Variants in RAPGEF6 observed in about 807,000 individuals in gnomAD.
The protein encoded by RAPGEF6 is PDZ domain containing guanine nucleotide exchange factor (GEF) 2.
A neutral mutation model predicts 171.4 loss-of-function variants in RAPGEF6; 56 were observed. That is an observed-to-expected ratio of 0.33 (90% CI 0.26 to 0.41). The LOEUF (loss-of-function observed/expected upper bound fraction) is 0.41, where lower values mean the gene tolerates loss of function less well. RAPGEF6 is among the 10% of genes least tolerant of loss of function. RAPGEF6 has a pLI of 1.00. For missense variants in RAPGEF6, 1,674 were observed against 1,921.4 expected, an observed-to-expected ratio of 0.87 and a Z score of 2.41; for synonymous variants, 692 against 650.1, an observed-to-expected ratio of 1.06 and a Z score of -0.98.
At chr5:131,632,220 T>C (rs917502886) in intron 1 of RAPGEF6, among the ~76,000 whole-genome samples, 2 of 152,042 alleles carry the variant, frequency 1.3e-5, no homozygotes, top group Non-Finnish European at 2.9e-5. Flanking sequence ...CATCTCTTAC[T>C]ACTCTCACAC....
At chr5:131,452,956 AC>A (rs1753206893) in intron 21 of RAPGEF6, 97 bp downstream of exon 21, 1 of 1,443,396 alleles carries the variant, frequency 6.9e-7, no homozygotes, top group Non-Finnish European at 9.2e-7. Context: ...TGTACAGCAC[AC>A]ATGGTAGAAT....
chr5:131,570,988 A>G (rs1365575884), intron 4 of RAPGEF6, among the ~76,000 whole-genome samples: 1 of 140,570 alleles, frequency 7.1e-6, no homozygotes, highest in African/African-American at 2.8e-5. Flanking sequence ...TCTGTCATCC[A>G]GGCTGGAATG....
intron 1 of RAPGEF6, among the ~76,000 whole-genome samples, chr5:131,616,252 C>T (rs866730811): frequency 6.6e-6 from 1 of 152,166 alleles, no homozygotes; most frequent in Non-Finnish European, 1.5e-5. Context: ...CAAGACAACT[C>T]TTGTATACCC....
At chr5:131,617,909 C>T (rs1765370213) in intron 1 of RAPGEF6, among the ~76,000 whole-genome samples, 1 of 152,132 alleles carries the variant, frequency 6.6e-6, no homozygotes, top group African/African-American at 2.4e-5. Context: ...TATTGATTTT[C>T]TCATTCATGG....
chr5:131,562,009 C>A lies in RAPGEF6; in HGVS notation c.320G>T (p.Cys107Phe). The A allele has an allele frequency of 6.3e-7, 1 of 1,590,986 alleles. No individual in the cohort carries two copies. Among genetic ancestry groups the A allele is most frequent in the Non-Finnish European group, 8.5e-7 (1 of 1,170,794 alleles). The change falls in exon 5 of 28, where the codon TGT becomes TTT. Residue 107 changes from cysteine (C) to phenylalanine (F), a missense_variant. By Grantham distance (205) the Cys-to-Phe change is radical. Coordinates refer to ENST00000509018, the MANE Select transcript of RAPGEF6 (RefSeq NM_016340.6). ...CATTTCTGAAGGCTCTAATACAAGA[C>A]AATCACATCCTCTTTTTCCTCCAAA... ...KQFGGKRGCD[C>F]LVLEPSEMIV...
At chr5:131,533,505 C>T (rs1759548494) in intron 6 of RAPGEF6, among the ~76,000 whole-genome samples, 1 of 151,960 alleles carries the variant, frequency 6.6e-6, no homozygotes, top group South Asian at 2.1e-4. Flanking sequence ...GGGGTTTCTG[C>T]TTGCAAAATT....
chr5:131,536,267 C>A (rs1258374014), intron 6 of RAPGEF6, among the ~76,000 whole-genome samples: 1 of 152,096 alleles, frequency 6.6e-6, no homozygotes, highest in East Asian at 1.9e-4. Flanking sequence ...AACATACAAG[C>A]CCTTTCAAAG....
In RAPGEF6 at chr5:131,433,542, G is replaced by C. The variant is rs1751838893; in HGVS notation, c.3862C>G (p.Leu1288Val). The C allele has an allele frequency of 6.2e-7, 1 of 1,613,430 alleles. No homozygotes were observed. Among genetic ancestry groups the C allele is most frequent in the African/African-American group, 1.3e-5 (1 of 74,894 alleles). ...NCSVDSMSAALQDERCSSQAL... is the reference protein window; with the variant it reads ...NCSVDSMSAAVQDERCSSQAL... ...TGAGAGGAACACCGTTCATCCTGTA[G>C]AGCTGCAGACATGGAGTCAACAGAA... The change falls in exon 25 of 28, where the codon CTA (leucine) becomes GTA (valine). Residue 1288 changes from leucine to valine, a missense_variant. By Grantham distance (32) the Leu-to-Val change is conservative. This residue lies in a region of RAPGEF6 where 552 missense variants were observed against 574.2 expected (regional missense o/e 0.96). Transcript: ENST00000509018.
At chr5:131,492,072 AAG>A (rs1460688977) in intron 14 of RAPGEF6, among the ~76,000 whole-genome samples, 1 of 152,136 alleles carries the variant, frequency 6.6e-6, no homozygotes, top group Non-Finnish European at 1.5e-5. Context: ...TCAAATTCCT[AAG>A]AGTGTCTTTT....
At chr5:131,571,858 C>T (rs1473424904) in intron 4 of RAPGEF6, among the ~76,000 whole-genome samples, 5 of 152,146 alleles carry the variant, frequency 3.3e-5, no homozygotes, top group Non-Finnish European at 5.9e-5. Flanking sequence ...CCGCCACCAC[C>T]GCCCCCAGCC....
intron 16 of RAPGEF6, among the ~76,000 whole-genome samples, chr5:131,477,039 A>G (rs1007000200): frequency 1.3e-4 from 19 of 151,912 alleles, no homozygotes; most frequent in African/African-American, 4.1e-4. Context: ...TTTTCTGCCT[A>G]TTTTTCCATT....
At chr5:131,606,029 CAAAAAAAAAA>C (rs1168486376) in intron 1 of RAPGEF6, among the ~76,000 whole-genome samples, 2 of 70,556 alleles carry the variant, frequency 2.8e-5, no homozygotes, top group Non-Finnish European at 2.3e-5. Flanking sequence ...GACTCCATCT[CAAAAAAAAAA>C]AAAAAAAAAA....
intron 6 of RAPGEF6, among the ~76,000 whole-genome samples, chr5:131,539,264 T>C (rs1447485195): frequency 1.3e-5 from 2 of 152,316 alleles, no homozygotes; most frequent in East Asian, 1.9e-4. Flanking sequence ...TGAAATACCA[T>C]ATTAAAAACA....
At chr5:131,552,522 G>A (rs374651790) in intron 5 of RAPGEF6, among the ~76,000 whole-genome samples, 2 of 150,252 alleles carry the variant, frequency 1.3e-5, no homozygotes, top group East Asian at 2.0e-4. Flanking sequence ...GTGCAATGGC[G>A]CAATCTTGGC....
At chr5:131,609,577 A>C (rs1764820511) in intron 1 of RAPGEF6, among the ~76,000 whole-genome samples, 1 of 152,218 alleles carries the variant, frequency 6.6e-6, no homozygotes, top group African/African-American at 2.4e-5. Context: ...TAGAGGCTAC[A>C]CATGTGTCCA....
chr5:131,453,409 A>G (rs1753243559), intron 20 of RAPGEF6, among the ~76,000 whole-genome samples: 2 of 152,134 alleles, frequency 1.3e-5, no homozygotes, highest in African/African-American at 2.4e-5. Flanking sequence ...GTCAAATGAT[A>G]AACTGTGCAT....
intron 1 of RAPGEF6, among the ~76,000 whole-genome samples, chr5:131,633,624 C>T (rs184061463): frequency 6.6e-6 from 1 of 151,208 alleles, no homozygotes; most frequent in Admixed American, 6.6e-5. Context: ...CCAGCTACTC[C>T]GGAGGCTGAG....
chr5:131,539,046 G>C (rs1435133084), intron 6 of RAPGEF6, among the ~76,000 whole-genome samples: 1 of 152,162 alleles, frequency 6.6e-6, no homozygotes, highest in Non-Finnish European at 1.5e-5. Flanking sequence ...CAGAGTATTT[G>C]GGGCTGTAAA....
intron 4 of RAPGEF6, among the ~76,000 whole-genome samples, chr5:131,578,933 C>T (rs531877949): frequency 1.3e-5 from 2 of 152,216 alleles, no homozygotes; most frequent in South Asian, 2.1e-4. Context: ...CCATTGTGTC[C>T]GAAATTGGTG....
Sources: gnomAD v4.1 joint callset for allele counts (sites outside exome capture counted in the v4.1 genomes callset) on GRCh38, gnomAD v4.1.1 for gene constraint, gnomAD v4.1.1 regional missense constraint, MANE v1.5 for transcripts, NCBI Gene and HGNC (gene_info 2026-07-23, HGNC 2026-07-21) for gene names.